Variants in ARHGEF11 observed in about 807,000 individuals in gnomAD.
ARHGEF11 encodes Rho guanine exchange factor (GEF) 11.
In ARHGEF11, 55 loss-of-function variants were observed where a neutral mutation model predicts 193.7. That is an observed-to-expected ratio of 0.28 (90% CI 0.23 to 0.36). The LOEUF is 0.36. ARHGEF11 is among the 10% of genes least tolerant of loss of function. The pLI, the probability that ARHGEF11 is intolerant of heterozygous loss-of-function variation, is 1.00. For missense variants in ARHGEF11, 1,723 were observed against 2,005.6 expected (o/e 0.86, Z 2.69); for synonymous variants, 693 against 768.0 (o/e 0.90, Z 1.62).
intron 1 of ARHGEF11, among the ~76,000 whole-genome samples, chr1:157,031,083 C>A (rs567845659): frequency 6.6e-6 from 1 of 152,190 alleles, no homozygotes; most frequent in East Asian, 1.9e-4. Flanking sequence ...TGATGGATCA[C>A]AATAATAATA....
intron 1 of ARHGEF11, among the ~76,000 whole-genome samples, chr1:157,002,807 C>G (rs1388350988): frequency 3.3e-5 from 5 of 152,186 alleles, no homozygotes; most frequent in Non-Finnish European, 7.3e-5. Flanking sequence ...AAAGCACTTA[C>G]TGAGACAAGA....
At chr1:156,985,092 G>A (rs911514634) in intron 2 of ARHGEF11, among the ~76,000 whole-genome samples, 9 of 152,070 alleles carry the variant, frequency 5.9e-5, no homozygotes, top group African/African-American at 2.2e-4. Flanking sequence ...CTCCATTCCT[G>A]TGAGTGTATA....
In ARHGEF11 at chr1:156,946,968, T is replaced by C; in HGVS notation, c.2536A>G (p.Ile846Val). 1 of 1,614,066 alleles carries C rather than the reference T, an allele frequency of 6.2e-7. No individual in the cohort carries two copies. Among genetic ancestry groups the C allele is most frequent in the Non-Finnish European group, 8.5e-7 (1 of 1,180,024 alleles). Residue 846 changes from isoleucine (I) to valine (V), a missense_variant, in exon 27 of 41, where the codon ATC (isoleucine) becomes GTC (valine). Transcript: ENST00000368194. ...MKKLREEGPI[I>V]KEISDLMLAR... The stretch of plus-strand genomic sequence containing the variant: ...AGCATGAGGTCACTGATCTCTTTGA[T>C]GATGGGGCCTTCCTCCCGGAGCTTC...
At chr1:156,964,564 C>A (rs1661435920) in intron 11 of ARHGEF11, among the ~76,000 whole-genome samples, 3 of 152,146 alleles carry the variant, frequency 2.0e-5, no homozygotes, top group Non-Finnish European at 4.4e-5. Flanking sequence ...TGCTCCTCAC[C>A]CCTTTTTTGT....
chr1:156,973,344 T>C (rs1662790452), intron 7 of ARHGEF11, among the ~76,000 whole-genome samples: 1 of 152,202 alleles, frequency 6.6e-6, no homozygotes, highest in Admixed American at 6.5e-5. Context: ...GGCTACTCTT[T>C]CAAAAATCAA....
intron 11 of ARHGEF11, among the ~76,000 whole-genome samples, chr1:156,966,840 C>T (rs758509764): frequency 7.2e-5 from 11 of 152,114 alleles, no homozygotes; most frequent in Non-Finnish European, 1.3e-4. Flanking sequence ...GTTTATTTTT[C>T]GGGTTGTTTT....
At chr1:156,994,985 G>A (rs569934860) in intron 1 of ARHGEF11, among the ~76,000 whole-genome samples, 29 of 150,830 alleles carry the variant, frequency 1.9e-4, no homozygotes, top group Non-Finnish European at 3.7e-4. Context: ...CCGTGCACTT[G>A]CTCACGCCAG....
At chr1:157,041,374 C>A (rs1312109014) in intron 1 of ARHGEF11, among the ~76,000 whole-genome samples, 3 of 152,296 alleles carry the variant, frequency 2.0e-5, no homozygotes, top group Middle Eastern at 3.4e-3. Flanking sequence ...CTGATTAACA[C>A]TGAAAGATAA....
chr1:156,968,001 A>G lies in ARHGEF11; in HGVS notation c.949T>C (p.Ser317Pro). The G allele has an allele frequency of 6.2e-7, 1 of 1,614,172 alleles. No individual in the cohort carries two copies. The highest frequency in any genetic ancestry group is 8.5e-7 in the Non-Finnish European group (1 of 1,180,030). ...RRQGSDAAVPSTGDQGVDQSP... is the reference protein window; with the variant it reads ...RRQGSDAAVPPTGDQGVDQSP... ...AGATCACTCACCTGGTCACCGGTTGAGGGGACTGCTGCATCCGAGCCCTGC... is the reference window on the plus strand; with the variant it reads ...AGATCACTCACCTGGTCACCGGTTGGGGGGACTGCTGCATCCGAGCCCTGC... The change falls in exon 11 of 41, where the codon TCA becomes CCA. Residue 317 changes from serine to proline, a missense_variant. Physicochemically the swap from Ser to Pro is moderately conservative, Grantham distance 74. Coordinates refer to ENST00000368194, the MANE Select transcript of ARHGEF11 (RefSeq NM_198236.3).
Position 156,954,747 on chromosome 1 carries a change from G to A in ARHGEF11, c.1798+145C>T, listed in dbSNP as rs935998917. 2.3e-5 allele frequency: 18 copies of A among 770,642 alleles called. 1 individual carries two copies. The highest frequency in any genetic ancestry group is 2.1e-4 in the South Asian group (13 of 63,248). The allele number at this position is 770,642 out of a possible 1,614,324, so 47.7% of individuals were successfully genotyped here. A position where few individuals can be genotyped will look rare whatever the true frequency, so the allele number is the denominator to read the frequency against. On this transcript the variant is annotated intron_variant, in intron 21 of 40. Coordinates refer to ENST00000368194, the MANE Select transcript of ARHGEF11 (RefSeq NM_198236.3). ...AGCAGCTTTAGCAACAATGAGCAACGCATAAGAGAAATGGAGAGAAGAAAG... is the reference window on the plus strand; with the variant it reads ...AGCAGCTTTAGCAACAATGAGCAACACATAAGAGAAATGGAGAGAAGAAAG...
rs1571201032 is a variant in ARHGEF11 at position 156,948,955 on chromosome 1, C to A, written c.1926-457G>T. ...GGAACGGGTCAGCTCCCACCTTTAACTCTGCCTGAGGCGAACCTCTTTTAA... is the reference window on the plus strand; with the variant it reads ...GGAACGGGTCAGCTCCCACCTTTAAATCTGCCTGAGGCGAACCTCTTTTAA... On this transcript the variant is annotated intron_variant, in intron 22 of 40. Coordinates refer to ENST00000368194, the MANE Select transcript of ARHGEF11 (RefSeq NM_198236.3). The surrounding 1 kb of genome is among the most constrained non-coding windows in gnomAD (Gnocchi z 4.2). 1.0e-6 allele frequency: 1 copy of A among 985,450 alleles called. No individual in the cohort carries two copies. The highest frequency in any genetic ancestry group is 1.1e-4 in the East Asian group (1 of 8,814). 61.0% of individuals were successfully genotyped at this position (985,450 alleles called of 1,614,324 possible).
At chr1:156,975,139 G>A (rs1239231148) in intron 7 of ARHGEF11, among the ~76,000 whole-genome samples, 4 of 152,222 alleles carry the variant, frequency 2.6e-5, no homozygotes, top group Non-Finnish European at 5.9e-5. Context: ...ATCAATGGCG[G>A]AATAGATTAG....
chr1:156,989,064 T>C (rs1382833627), intron 1 of ARHGEF11, among the ~76,000 whole-genome samples: 1 of 152,102 alleles, frequency 6.6e-6, no homozygotes, highest in Non-Finnish European at 1.5e-5. Flanking sequence ...GGCCCCTCCC[T>C]TTTCCTGAGG....
At chr1:156,958,582 A>G (rs1285451861) in intron 17 of ARHGEF11, among the ~76,000 whole-genome samples, 160 bp downstream of exon 17, 1 of 152,234 alleles carries the variant, frequency 6.6e-6, no homozygotes, top group African/African-American at 2.4e-5. Flanking sequence ...TGCAGCCCTC[A>G]GCCTGACCAA....
chr1:156,946,004 A>G lies in ARHGEF11; in HGVS notation c.2812+41T>C, dbSNP rs1036300947. 1.1e-5 allele frequency: 17 copies of G among 1,533,600 alleles called. No homozygotes were observed. The African/African-American group carries it at 2.0e-4, about 18-fold the overall frequency. The allele number at this position is 1,533,600 out of a possible 1,614,324, so 95.0% of individuals were successfully genotyped here. ...AGTGTCAGAATGAGGGTCTGGCACGAGGCCCACTGCCTGTGATGCCAGCCC... is the reference window on the plus strand; with the variant it reads ...AGTGTCAGAATGAGGGTCTGGCACGGGGCCCACTGCCTGTGATGCCAGCCC... On this transcript the variant is annotated intron_variant, in intron 29 of 40. Coordinates refer to ENST00000368194, the MANE Select transcript of ARHGEF11 (RefSeq NM_198236.3).
intron 14 of ARHGEF11, among the ~76,000 whole-genome samples, chr1:156,960,742 G>A (rs1660710152): frequency 1.3e-5 from 2 of 152,172 alleles, no homozygotes; most frequent in Non-Finnish European, 2.9e-5. Context: ...GCATGGGATG[G>A]CATGTTGTCC....
chr1:156,984,358 C>G lies in ARHGEF11; in HGVS notation c.204G>C (p.Leu68=), dbSNP rs1664628030. 6.3e-7 allele frequency: 1 copy of G among 1,592,758 alleles called. No homozygotes were observed. Among genetic ancestry groups the G allele is most frequent in the African/African-American group, 1.3e-5 (1 of 74,770 alleles). The change falls in exon 3 of 41, where the codon CTG becomes CTC. Residue 68 remains leucine (L), a synonymous_variant. Transcript: ENST00000368194. ...GFTVSGDRIV[L]VQSVRPGGAA... is the part of the protein sequence containing the mutation. ...ACTCACCAGGCCGCACAGACTGCACCAGAACAATGCGATCCCCACTGACTG... is the reference window on the plus strand; with the variant it reads ...ACTCACCAGGCCGCACAGACTGCACGAGAACAATGCGATCCCCACTGACTG...
At chr1:157,004,800 C>A (rs1377397768) in intron 1 of ARHGEF11, among the ~76,000 whole-genome samples, 3 of 152,186 alleles carry the variant, frequency 2.0e-5, no homozygotes, top group African/African-American at 7.2e-5. Context: ...AAGATGACAT[C>A]AGGAAGGAAT....
chr1:157,027,448 A>G (rs1299864498), intron 1 of ARHGEF11, among the ~76,000 whole-genome samples: 2 of 152,140 alleles, frequency 1.3e-5, no homozygotes, highest in African/African-American at 4.8e-5. Context: ...ACAGAGGCAC[A>G]AGAAAAGATA....
Sources: gnomAD v4.1 joint callset for allele counts (sites outside exome capture counted in the v4.1 genomes callset) on GRCh38, gnomAD v4.1.1 for gene constraint, Gnocchi (gnomAD v3.1) non-coding constraint, MANE v1.5 for transcripts, NCBI Gene and HGNC (gene_info 2026-07-23, HGNC 2026-07-21) for gene names.